MYOCD: variants seen among roughly 807,000 people sequenced by gnomAD.
The protein encoded by MYOCD is myocardin.
Under a neutral mutation model 96.1 loss-of-function variants are expected in MYOCD, and 32 were observed. That is an observed-to-expected ratio of 0.33 (90% CI 0.25 to 0.45). The LOEUF is 0.45. MYOCD is among the 20% of genes least tolerant of loss of function. The pLI is 1.00. For synonymous variants in MYOCD, 469 were observed against 469.0 expected, an observed-to-expected ratio of 1.00 and a Z score of 0.00; for missense variants, 1,133 against 1,200.6, an observed-to-expected ratio of 0.94 and a Z score of 0.83.
chr17:12,736,169 G>A lies in MYOCD; in HGVS notation c.424G>A (p.Val142Met), dbSNP rs575887022. 1.8e-5 allele frequency: 29 copies of A among 1,613,814 alleles called. No homozygotes were observed. Among genetic ancestry groups the A allele is most frequent in the Non-Finnish European group, 2.3e-5 (27 of 1,179,928 alleles). ...AVKEAIKGNQ[V>M]SFSKSTDAFA... ...GGATTTCACCCCCTCAGGTAACCAG[G>A]TGAGTTTCTCCAAATCCACGGATGC... The change falls in exon 6 of 14, where the codon GTG becomes ATG. Residue 142 changes from valine to methionine, a missense_variant. Transcript: ENST00000425538.
chr17:12,743,467 ACATATG>A (rs1421368616), intron 7 of MYOCD, among the ~76,000 whole-genome samples: 1 of 149,920 alleles, frequency 6.7e-6, no homozygotes, highest in Non-Finnish European at 1.5e-5. Flanking sequence ...AAGTGACTGC[ACATATG>A]CATATGAAAG....
At chr17:12,719,867 CAAAAAA>C (rs57652662) in intron 4 of MYOCD, among the ~76,000 whole-genome samples, 3 of 82,752 alleles carry the variant, frequency 3.6e-5, no homozygotes, top group Non-Finnish European at 6.7e-5. Flanking sequence ...GACTCAGTCT[CAAAAAA>C]AAAAAAAAAA....
intron 5 of MYOCD, among the ~76,000 whole-genome samples, chr17:12,726,089 G>T (rs1247841802): frequency 6.6e-6 from 1 of 152,028 alleles, no homozygotes; most frequent in African/African-American, 2.4e-5. Context: ...ATGCTGGCTG[G>T]GGAACAAACC....
intron 1 of MYOCD, among the ~76,000 whole-genome samples, chr17:12,682,433 A>G (rs1386687387): frequency 2.0e-5 from 3 of 152,244 alleles, no homozygotes; most frequent in African/African-American, 7.2e-5. Flanking sequence ...CCAAAGACCT[A>G]TGCCTGGTAG....
chr17:12,736,453 C>T, intron 6 of MYOCD, 117 bp downstream of exon 6: 1 of 1,049,962 alleles, frequency 9.5e-7, no homozygotes, highest in Non-Finnish European at 1.4e-6. Flanking sequence ...CAGAGATGTC[C>T]CTGGCTGCCA....
At chr17:12,727,284 C>T (rs769441260) in intron 5 of MYOCD, among the ~76,000 whole-genome samples, 5 of 152,142 alleles carry the variant, frequency 3.3e-5, no homozygotes, top group Non-Finnish European at 7.4e-5. Context: ...TACTCATCTA[C>T]GCATCAGCCT....
Position 12,763,099 on chromosome 17 carries a change from C to G in MYOCD, c.2416C>G (p.His806Asp), listed in dbSNP as rs765402581. Residue 806 changes from histidine (H) to aspartate (D), a missense_variant, in exon 14 of 14, where the codon CAC (histidine) becomes GAC (aspartate). Coordinates refer to ENST00000425538, the MANE Select transcript of MYOCD (RefSeq NM_001146312.3). ...GEMPADAREDHSCLQKVPKIP... is the reference protein window; with the variant it reads ...GEMPADAREDDSCLQKVPKIP... Reference sequence around the variant, plus strand: ...AATGCCAGCAGACGCTAGAGAGGATCACTCATGTCTTCAAAAAGTCCCAAA... The same window carrying G: ...AATGCCAGCAGACGCTAGAGAGGATGACTCATGTCTTCAAAAAGTCCCAAA... The G allele has an allele frequency of 5.6e-6, 9 of 1,612,808 alleles. No individual in the cohort carries two copies. The Admixed American group carries it at 1.0e-4, about 18-fold the overall frequency.
At chr17:12,715,287 C>A (rs2031604142) in intron 2 of MYOCD, among the ~76,000 whole-genome samples, 1 of 120,102 alleles carries the variant, frequency 8.3e-6, no homozygotes, top group Non-Finnish European at 1.8e-5. Flanking sequence ...CTTCTTGTTG[C>A]ACATCCTGCC....
chr17:12,751,507 A>G (rs1289961348), intron 9 of MYOCD, among the ~76,000 whole-genome samples: 1 of 152,194 alleles, frequency 6.6e-6, no homozygotes, highest in Admixed American at 6.5e-5. Flanking sequence ...CAGTTTATGA[A>G]CATTATAAAA....
At chr17:12,715,414 C>A in intron 2 of MYOCD, 105 bp from the exon 3 acceptor site, 1 of 832,384 alleles carries the variant, frequency 1.2e-6, no homozygotes, top group Admixed American at 2.6e-5. Flanking sequence ...TAAAGGCAAT[C>A]ACCTCCCTAC....
At chr17:12,755,779 A>G (rs9912707) in intron 10 of MYOCD, among the ~76,000 whole-genome samples, 46,532 of 151,850 alleles carry the variant, frequency 0.31, 7,331 homozygotes, top group East Asian at 0.43. Context: ...TGCTGAGGTA[A>G]GGGAATAGCC....
At chr17:12,744,589 A>G (rs1344358232) in intron 8 of MYOCD, among the ~76,000 whole-genome samples, 153 bp downstream of exon 8, 1 of 152,164 alleles carries the variant, frequency 6.6e-6, no homozygotes, top group Non-Finnish European at 1.5e-5. Flanking sequence ...TTTAGAAACT[A>G]TGCACACCTT....
In MYOCD at chr17:12,719,393, G is replaced by A. The variant is rs540636575; in HGVS notation, c.253+1972G>A. ...CCTTTAGCTCATAATATAATGTCTA[G>A]TATTTTATTCAAAGAAAATAATCAG... On this transcript the variant is annotated intron_variant, in intron 4 of 13. Coordinates refer to ENST00000425538, the MANE Select transcript of MYOCD (RefSeq NM_001146312.3). Among the ~76,000 whole-genome samples the A allele has an allele frequency of 2.0e-5, 3 of 151,886 alleles. No individual in the cohort carries two copies. In the South Asian group the frequency reaches 6.2e-4, roughly 32 times the overall value.
intron 1 of MYOCD, among the ~76,000 whole-genome samples, chr17:12,699,442 CTCT>C (rs1218214291): frequency 6.6e-6 from 1 of 152,184 alleles, no homozygotes; most frequent in Non-Finnish European, 1.5e-5. Flanking sequence ...TCATATATTT[CTCT>C]TCTTTTAGAA....
chr17:12,708,280 A>G (rs893920815), intron 2 of MYOCD, among the ~76,000 whole-genome samples: 2 of 152,202 alleles, frequency 1.3e-5, no homozygotes, highest in African/African-American at 4.8e-5. Context: ...TATTCATAAA[A>G]TCTTGCTTTA....
intron 1 of MYOCD, among the ~76,000 whole-genome samples, chr17:12,675,409 T>C (rs1051082528): frequency 6.6e-6 from 1 of 152,126 alleles, no homozygotes; most frequent in Non-Finnish European, 1.5e-5. Context: ...AATTACAATA[T>C]ATTCACAGTA....
At chr17:12,679,389 A>G (rs1042198190) in intron 1 of MYOCD, among the ~76,000 whole-genome samples, 2 of 152,264 alleles carry the variant, frequency 1.3e-5, no homozygotes, top group South Asian at 2.1e-4. Flanking sequence ...AGCCTTCACA[A>G]AGGATTGTGT....
intron 5 of MYOCD, among the ~76,000 whole-genome samples, chr17:12,724,754 TTTTG>T (rs1432010504): frequency 2.0e-5 from 3 of 152,136 alleles, no homozygotes; most frequent in Non-Finnish European, 4.4e-5. Context: ...GGTCTAATTT[TTTTG>T]TTTATCACAA....
chr17:12,749,139 TA>T, intron 9 of MYOCD, among the ~76,000 whole-genome samples: 1 of 152,344 alleles, frequency 6.6e-6, no homozygotes, highest in South Asian at 2.1e-4. Context: ...TAATATTCAA[TA>T]AATTTTTTAT....
Sources: allele counts gnomAD v4.1 joint callset (sites outside exome capture counted in the v4.1 genomes callset), GRCh38; gene constraint gnomAD v4.1.1; transcripts MANE v1.5; gene names NCBI Gene and HGNC (gene_info 2026-07-23, HGNC 2026-07-21).